Variants in PRP4K observed in about 807,000 individuals in gnomAD.
PRP4K encodes pre-mRNA processing factor kinase PRP4K, also known as serine/threonine-protein kinase PRP4 homolog.
the PRP4K span, among the ~76,000 whole-genome samples, chr6:4,035,513 T>A: frequency 1.3e-5 from 2 of 151,990 alleles, no homozygotes; most frequent in African/African-American, 4.8e-5. Context: ...TAAAAGAGTT[T>A]CCTCAGATGG....
the PRP4K span, among the ~76,000 whole-genome samples, chr6:4,046,148 G>A: frequency 6.6e-6 from 1 of 152,186 alleles, no homozygotes; most frequent in African/African-American, 2.4e-5. Context: ...TTTTACGATA[G>A]TTCCCTAGAA....
the PRP4K span, among the ~76,000 whole-genome samples, chr6:4,041,695 G>A: frequency 1.3e-5 from 2 of 152,170 alleles, no homozygotes; most frequent in African/African-American, 4.8e-5. Context: ...TGTGATTGTT[G>A]GCTAGAGGCC....
the PRP4K span, chr6:4,049,572 G>A: frequency 3.3e-5 from 23 of 693,600 alleles, no homozygotes; most frequent in African/African-American, 2.3e-4. Context: ...ACCACACTCT[G>A]ATAGAGTGAT....
chr6:4,057,487 AAGTT>A, the PRP4K span, among the ~76,000 whole-genome samples: 1 of 152,236 alleles, frequency 6.6e-6, no homozygotes, highest in African/African-American at 2.4e-5. Flanking sequence ...AAAAAGATGT[AAGTT>A]GAATTAGGTA....
At chr6:4,021,813 C>G in the PRP4K span, among the ~76,000 whole-genome samples, 1 of 152,180 alleles carries the variant, frequency 6.6e-6, no homozygotes, top group Non-Finnish European at 1.5e-5. Context: ...GCTCCCTGGC[C>G]GCAGCTCTTA....
the PRP4K span, among the ~76,000 whole-genome samples, chr6:4,028,016 C>G: frequency 1.4e-4 from 21 of 152,080 alleles, no homozygotes; most frequent in Non-Finnish European, 1.9e-4. Flanking sequence ...ACTTTTCCCC[C>G]TATAAGTCAA....
the PRP4K span, chr6:4,049,698 G>C: frequency 6.4e-7 from 1 of 1,572,988 alleles, no homozygotes; most frequent in Non-Finnish European, 8.7e-7. Flanking sequence ...ATTTATTATA[G>C]TCAGAATTCT....
the PRP4K span, among the ~76,000 whole-genome samples, chr6:4,054,593 A>C: frequency 1.3e-5 from 2 of 151,956 alleles, no homozygotes; most frequent in African/African-American, 2.4e-5. Context: ...TGCAACCTCC[A>C]ACTCCCTGGT....
chr6:4,062,088 A>G, the PRP4K span: 3 of 152,674 alleles, frequency 2.0e-5, no homozygotes, highest in South Asian at 6.2e-4. The surrounding 1 kb of genome is among the most constrained non-coding windows in gnomAD (Gnocchi z 4.2). Context: ...ATTATTTCAA[A>G]AAATCCTACA....
chr6:4,052,227 T>C, the PRP4K span: 1 of 1,084,250 alleles, frequency 9.2e-7, no homozygotes, highest in Non-Finnish European at 1.3e-6. Context: ...GGTTTTTGTT[T>C]TTAACTTGTG....
the PRP4K span, chr6:4,052,665 C>T: frequency 5.8e-6 from 8 of 1,384,740 alleles, no homozygotes; most frequent in East Asian, 2.4e-5. Context: ...TTTTATATTT[C>T]CATTTTGCAT....
chr6:4,047,214 C>T, the PRP4K span: 10 of 1,612,584 alleles, frequency 6.2e-6, no homozygotes, highest in Non-Finnish European at 8.5e-6. Context: ...GATATGTTTA[C>T]AGAATCTGAT....
At chr6:4,030,936 C>T in the PRP4K span, among the ~76,000 whole-genome samples, 1 of 152,186 alleles carries the variant, frequency 6.6e-6, no homozygotes. Flanking sequence ...TATCAGCTAC[C>T]AATGCACATT....
the PRP4K span, among the ~76,000 whole-genome samples, chr6:4,040,197 T>A: frequency 6.6e-6 from 1 of 151,944 alleles, no homozygotes; most frequent in Non-Finnish European, 1.5e-5. Context: ...TTTTTTTTTT[T>A]AAGTACTCAT....
chr6:4,054,742 G>C, the PRP4K span, among the ~76,000 whole-genome samples: 6 of 152,066 alleles, frequency 3.9e-5, no homozygotes, highest in Admixed American at 3.9e-4. Flanking sequence ...CTAACCTCGT[G>C]ATCTGCCCGC....
the PRP4K span, among the ~76,000 whole-genome samples, chr6:4,030,017 A>C: frequency 6.7e-6 from 1 of 150,088 alleles, no homozygotes; most frequent in Admixed American, 6.7e-5. Context: ...ATCTTGGCTC[A>C]CTGCAGCCTC....
At chr6:4,036,880 G>T in the PRP4K span, among the ~76,000 whole-genome samples, 1 of 151,566 alleles carries the variant, frequency 6.6e-6, no homozygotes, top group African/African-American at 2.4e-5. Flanking sequence ...AGCTGCTCAG[G>T]GGGGCTGAAG....
the PRP4K span, chr6:4,047,271 T>A: frequency 6.4e-7 from 1 of 1,564,172 alleles, no homozygotes; most frequent in Admixed American, 1.7e-5. Flanking sequence ...AAATCAAGTG[T>A]TAAAACAAAA....
the PRP4K span, among the ~76,000 whole-genome samples, chr6:4,053,366 AG>A: frequency 2.0e-5 from 3 of 152,132 alleles, no homozygotes; most frequent in Non-Finnish European, 4.4e-5. Flanking sequence ...TTTCAAGTTC[AG>A]GGGTACATGT....
Sources: gnomAD v4.1 joint callset for allele counts (sites outside exome capture counted in the v4.1 genomes callset) on GRCh38, gnomAD v4.1.1 for gene constraint, Gnocchi (gnomAD v3.1) non-coding constraint, MANE v1.5 for transcripts, NCBI Gene and HGNC (gene_info 2026-07-23, HGNC 2026-07-21) for gene names.